HPSE2: variants seen among roughly 807,000 people sequenced by gnomAD.
HPSE2 encodes the protein heparanase 2 (inactive).
HPSE2 carries 38 observed loss-of-function variants against 60.5 expected under a neutral mutation model. The observed-to-expected ratio is 0.63, with a 90% CI of 0.48 to 0.82. The LOEUF is 0.82. Ranked by LOEUF, HPSE2 falls within the 40% of genes least tolerant of loss-of-function variation. The pLI, the probability that HPSE2 is intolerant of heterozygous loss-of-function variation, is 0.00. For synonymous variants in HPSE2, 295 were observed against 293.2 expected, an observed-to-expected ratio of 1.01 and a Z score of -0.06; for missense variants, 713 against 740.4, an observed-to-expected ratio of 0.96 and a Z score of 0.43.
chr10:99,266,190 G>A, the HPSE2 span, among the ~76,000 whole-genome samples: 16 of 152,166 alleles, frequency 1.1e-4, no homozygotes, highest in Non-Finnish European at 2.2e-4. Flanking sequence ...ACAGCAGGTC[G>A]GGAGATGCAA....
intron 6 of HPSE2, among the ~76,000 whole-genome samples, chr10:98,644,504 T>C (rs1039952530): frequency 1.3e-5 from 2 of 152,174 alleles, no homozygotes; most frequent in African/African-American, 2.4e-5. Context: ...TGTGATTATG[T>C]TGTAAAAATT....
intron 9 of HPSE2, among the ~76,000 whole-genome samples, chr10:98,509,551 G>A (rs1942317591): frequency 6.6e-6 from 1 of 151,614 alleles, no homozygotes; most frequent in African/African-American, 2.4e-5. Context: ...ACTCAGGCTA[G>A]AGTGCAGTGT....
intron 4 of HPSE2, among the ~76,000 whole-genome samples, chr10:98,722,380 A>C (rs1948949629): frequency 6.6e-6 from 1 of 151,768 alleles, no homozygotes; most frequent in African/African-American, 2.4e-5. Context: ...GCTAGGAAAG[A>C]GGCATGGAAT....
chr10:98,543,717 C>G (rs1471546440), intron 9 of HPSE2, among the ~76,000 whole-genome samples: 2 of 151,874 alleles, frequency 1.3e-5, no homozygotes, highest in Non-Finnish European at 2.9e-5. Context: ...CAACAAAGAT[C>G]AAAAGAGACA....
chr10:99,083,949 T>C (rs934010307), intron 3 of HPSE2, among the ~76,000 whole-genome samples: 13 of 143,560 alleles, frequency 9.1e-5, no homozygotes, highest in African/African-American at 3.4e-4. Context: ...AAAAACCATA[T>C]GGGAATGTGT....
At chr10:98,898,073 T>A (rs1235571968) in intron 3 of HPSE2, among the ~76,000 whole-genome samples, 1 of 152,084 alleles carries the variant, frequency 6.6e-6, no homozygotes, top group Non-Finnish European at 1.5e-5. Flanking sequence ...GACATACAGA[T>A]GGCAAATAAG....
intron 3 of HPSE2, among the ~76,000 whole-genome samples, chr10:99,069,909 G>A (rs536532328): frequency 4.5e-4 from 69 of 152,146 alleles, no homozygotes; most frequent in Non-Finnish European, 8.4e-4. Flanking sequence ...CCATAACAAG[G>A]AGAGGGAAAG....
intron 3 of HPSE2, among the ~76,000 whole-genome samples, chr10:99,143,984 A>G (rs1419552672): frequency 2.0e-5 from 3 of 152,218 alleles, no homozygotes; most frequent in African/African-American, 7.2e-5. Context: ...ACTGGCATAC[A>G]TTTAGAAAGT....
intron 3 of HPSE2, among the ~76,000 whole-genome samples, chr10:99,094,140 A>G (rs11189965): frequency 0.49 from 74,610 of 151,758 alleles, 20,787 homozygotes; most frequent in East Asian, 0.65. Context: ...TATATTTTCC[A>G]TTTGACCCAT....
intron 2 of HPSE2, among the ~76,000 whole-genome samples, chr10:99,201,576 A>G (rs1848576929): frequency 6.6e-6 from 1 of 152,176 alleles, no homozygotes; most frequent in Non-Finnish European, 1.5e-5. Flanking sequence ...TTTTTCAAGG[A>G]AAGTCTTTTA....
rs138349153 is a variant in HPSE2, at chr10:98,889,349, TTCTC to T, written c.611-145297_611-145294del. Among the ~76,000 whole-genome samples, 207 of 151,592 alleles carry T rather than the reference TTCTC, an allele frequency of 1.4e-3. 2 individuals are homozygous for T. The highest frequency in any genetic ancestry group is 1.7e-3 in the Non-Finnish European group (117 of 67,846). On this transcript the variant is annotated intron_variant, in intron 3 of 11. Transcript: ENST00000370552. ...AGGTATGTACCACCACGCCTGGCTT[TTCTC>T]TCTCTCTTTTCTTTTTTTTTTTTTT...
chr10:99,111,528 G>A (rs1477508061), intron 3 of HPSE2, among the ~76,000 whole-genome samples: 1 of 152,156 alleles, frequency 6.6e-6, no homozygotes, highest in Non-Finnish European at 1.5e-5. Flanking sequence ...AAAAGAACAA[G>A]AAGGAAGAAA....
At chr10:98,984,740 T>C (rs1956295509) in intron 3 of HPSE2, among the ~76,000 whole-genome samples, 2 of 152,050 alleles carry the variant, frequency 1.3e-5, no homozygotes, top group Non-Finnish European at 2.9e-5. Flanking sequence ...GTTAGAACCT[T>C]GAAAAAAGAT....
Position 98,556,195 on chromosome 10 carries a change from T to C in HPSE2, c.1320+58709A>G, listed in dbSNP as rs146115211. Among the ~76,000 whole-genome samples, 282 of 152,272 alleles carry C rather than the reference T, an allele frequency of 1.9e-3. 1 individual carries two copies. Among genetic ancestry groups the C allele is most frequent in the African/African-American group, 6.3e-3 (262 of 41,538 alleles). ...AGTCTAGATCTAAGGGAAATTGCTG[T>C]GAGCTACACTGACCTCTGGAATGTG... On this transcript the variant is annotated intron_variant, in intron 9 of 11. Transcript: ENST00000370552.
chr10:98,913,913 T>G (rs900673488), intron 3 of HPSE2, among the ~76,000 whole-genome samples: 2 of 152,178 alleles, frequency 1.3e-5, no homozygotes, highest in Non-Finnish European at 2.9e-5. Context: ...CACAAATAAT[T>G]GTGGTAACAA....
intron 3 of HPSE2, among the ~76,000 whole-genome samples, chr10:98,984,337 T>C (rs544829145): frequency 2.0e-5 from 3 of 152,268 alleles, no homozygotes; most frequent in East Asian, 3.9e-4. Context: ...TGTTTGCCAA[T>C]ATCCGCTGTT....
intron 11 of HPSE2, among the ~76,000 whole-genome samples, chr10:98,461,195 C>T (rs1247440281): frequency 6.6e-6 from 1 of 152,214 alleles, no homozygotes; most frequent in Non-Finnish European, 1.5e-5. Context: ...AGTGAATTCC[C>T]AGAGATAAGT....
At chr10:99,178,246 G>C (rs192031583) in intron 2 of HPSE2, among the ~76,000 whole-genome samples, 80 of 151,366 alleles carry the variant, frequency 5.3e-4, no homozygotes, top group Admixed American at 3.9e-3. Flanking sequence ...AAAGCAAGCA[G>C]AAGACAAGAA....
At chr10:98,824,795 G>T (rs1423691556) in intron 3 of HPSE2, among the ~76,000 whole-genome samples, 1 of 152,188 alleles carries the variant, frequency 6.6e-6, no homozygotes, top group African/African-American at 2.4e-5. Context: ...GTCACAGGTA[G>T]CTGCTGTTGC....
Sources: allele counts gnomAD v4.1 joint callset (sites outside exome capture counted in the v4.1 genomes callset), GRCh38; gene constraint gnomAD v4.1.1; transcripts MANE v1.5; gene names NCBI Gene and HGNC (gene_info 2026-07-23, HGNC 2026-07-21).